The following GRIA1 variants were observed in gnomAD, a reference collection of about 807,000 sequenced individuals.
GRIA1 encodes the protein glutamate ionotropic receptor AMPA type subunit 1, also known as glutamate receptor 1.
In GRIA1, 31 loss-of-function variants were observed where a neutral mutation model predicts 99.2. The ratio of observed to expected loss-of-function variants is 0.31; its 90% CI spans 0.23 to 0.42. The LOEUF is 0.42. Ranked by LOEUF, GRIA1 falls within the 10% of genes least tolerant of loss-of-function variation. GRIA1 has a pLI of 1.00. For synonymous variants in GRIA1, 438 were observed against 432.4 expected (o/e 1.01, Z -0.16); for missense variants, 782 against 1,157.5 (o/e 0.68, Z 4.71).
intron 11 of GRIA1, among the ~76,000 whole-genome samples, chr5:153,725,013 C>CA (rs1297009602): frequency 3.3e-5 from 5 of 152,098 alleles, no homozygotes; most frequent in Admixed American, 2.6e-4. Flanking sequence ...TCGGCTTACC[C>CA]ACAAAGGGAA....
intron 2 of GRIA1, among the ~76,000 whole-genome samples, chr5:153,571,560 A>T (rs1762122394): frequency 6.6e-6 from 1 of 152,118 alleles, no homozygotes; most frequent in South Asian, 2.1e-4. Flanking sequence ...AAATGTTAAA[A>T]CTATACATGA....
At chr5:153,521,887 A>G (rs544119881) in intron 2 of GRIA1, among the ~76,000 whole-genome samples, 1 of 152,314 alleles carries the variant, frequency 6.6e-6, no homozygotes, top group African/African-American at 2.4e-5. Flanking sequence ...TGGTGCAATG[A>G]CATGTTTTAT....
rs1341153066 is a variant in GRIA1, at chr5:153,692,295, A to T, written c.1135-5749A>T. 2.0e-5 allele frequency among the ~76,000 whole-genome samples: 3 copies of T among 152,166 alleles called. No homozygotes were observed. In the South Asian group the frequency reaches 6.2e-4, roughly 32 times the overall value. ...TTTCATGGTGCTTATTCCTTCTGAT[A>T]TATTTTTATTGGTTGATTGATCTAG... On this transcript the variant is annotated intron_variant, in intron 8 of 15. Transcript: ENST00000285900.
At chr5:153,619,993 G>A (rs1766879432) in intron 2 of GRIA1, among the ~76,000 whole-genome samples, 1 of 152,170 alleles carries the variant, frequency 6.6e-6, no homozygotes, top group African/African-American at 2.4e-5. Context: ...TTCCATTCCT[G>A]ACATTCTAGG....
At chr5:153,567,359 GA>G (rs1374576376) in intron 2 of GRIA1, among the ~76,000 whole-genome samples, 4 of 152,194 alleles carry the variant, frequency 2.6e-5, no homozygotes, top group African/African-American at 9.6e-5. Flanking sequence ...TAATGAAGTG[GA>G]AAATTTTTAT....
At chr5:153,548,549 A>G (rs9324752) in intron 2 of GRIA1, among the ~76,000 whole-genome samples, 60,221 of 151,992 alleles carry the variant, frequency 0.4, 13,102 homozygotes, top group East Asian at 0.71. Flanking sequence ...AAATATTTCA[A>G]TCAGGCCAAT....
chr5:153,675,077 C>T (rs1002059314), intron 6 of GRIA1, among the ~76,000 whole-genome samples: 6 of 152,188 alleles, frequency 3.9e-5, no homozygotes, highest in Non-Finnish European at 8.8e-5. Flanking sequence ...CAATGCACAA[C>T]TTCTTCATGA....
chr5:153,507,851 C>T (rs1354240332), intron 2 of GRIA1, among the ~76,000 whole-genome samples: 1 of 152,144 alleles, frequency 6.6e-6, no homozygotes, highest in Non-Finnish European at 1.5e-5. Flanking sequence ...TGAGACTTAC[C>T]TAAACCCTAC....
intron 2 of GRIA1, among the ~76,000 whole-genome samples, chr5:153,586,153 A>AT (rs1763468127): frequency 6.6e-6 from 1 of 152,158 alleles, no homozygotes; most frequent in Non-Finnish European, 1.5e-5. Context: ...TGTTGTCTGA[A>AT]ATTATCATAT....
intron 2 of GRIA1, among the ~76,000 whole-genome samples, chr5:153,498,653 G>C (rs533501370): frequency 6.6e-6 from 1 of 151,930 alleles, no homozygotes; most frequent in Non-Finnish European, 1.5e-5. Flanking sequence ...CAACTTCAGA[G>C]TTGCAACACA....
chr5:153,561,450 C>G (rs1214172718), intron 2 of GRIA1, among the ~76,000 whole-genome samples: 1 of 152,090 alleles, frequency 6.6e-6, no homozygotes, highest in African/African-American at 2.4e-5. Flanking sequence ...CAAACTGAGG[C>G]TACCACTGGG....
intron 13 of GRIA1, among the ~76,000 whole-genome samples, chr5:153,773,354 C>A (rs949042925): frequency 6.6e-6 from 1 of 152,164 alleles, no homozygotes; most frequent in Non-Finnish European, 1.5e-5. Flanking sequence ...AATGACAGCA[C>A]CATTAAAGGC....
chr5:153,600,391 CAAAA>C (rs57395601), intron 2 of GRIA1, among the ~76,000 whole-genome samples: 15 of 51,486 alleles, frequency 2.9e-4, no homozygotes, highest in African/African-American at 1.0e-3. Context: ...GACTCCATCT[CAAAA>C]AAAAAAAAAA....
intron 2 of GRIA1, among the ~76,000 whole-genome samples, chr5:153,516,105 A>C (rs1055451095): frequency 6.6e-6 from 1 of 152,148 alleles, no homozygotes; most frequent in African/African-American, 2.4e-5. Flanking sequence ...CTGTAATCCC[A>C]GCTGCTCAGA....
intron 2 of GRIA1, among the ~76,000 whole-genome samples, chr5:153,554,456 TG>T (rs1180950376): frequency 4.6e-5 from 7 of 152,114 alleles, no homozygotes; most frequent in African/African-American, 7.2e-5. Context: ...TCAGTAAATC[TG>T]GGGTGGGGCT....
chr5:153,794,778 T>G, intron 14 of GRIA1, 43 bp downstream of exon 14: 4 of 1,139,868 alleles, frequency 3.5e-6, no homozygotes, highest in Non-Finnish European at 5.3e-6. Context: ...GGGTATGAAA[T>G]AGCATGGCTG....
At chr5:153,568,365 C>T (rs1481707292) in intron 2 of GRIA1, among the ~76,000 whole-genome samples, 1 of 152,162 alleles carries the variant, frequency 6.6e-6, no homozygotes, top group Non-Finnish European at 1.5e-5. Flanking sequence ...GAATCTCAGG[C>T]CCACCTCAAA....
At chr5:153,805,856 A>G (rs1363428126) in intron 15 of GRIA1, among the ~76,000 whole-genome samples, 1 of 152,216 alleles carries the variant, frequency 6.6e-6, no homozygotes, top group African/African-American at 2.4e-5. Flanking sequence ...AATCATTAAT[A>G]TAATGTCTTC....
At chr5:153,647,991 G>C (rs1315210948) in intron 3 of GRIA1, among the ~76,000 whole-genome samples, 2 of 152,108 alleles carry the variant, frequency 1.3e-5, no homozygotes, top group African/African-American at 4.8e-5. Context: ...CCTTCTCATT[G>C]TATACTAAAT....
Sources: allele counts gnomAD v4.1 joint callset (sites outside exome capture counted in the v4.1 genomes callset), GRCh38; gene constraint gnomAD v4.1.1; transcripts MANE v1.5; gene names NCBI Gene and HGNC (gene_info 2026-07-23, HGNC 2026-07-21).